Variants in BLTP3A observed in about 807,000 individuals in gnomAD.
BLTP3A encodes the protein ICBP90 binding protein 1.
At chr6:34,813,258 A>C in the BLTP3A span, among the ~76,000 whole-genome samples, 1 of 152,178 alleles carries the variant, frequency 6.6e-6, no homozygotes, top group African/African-American at 2.4e-5. Context: ...CAGCTTTACC[A>C]CTGGCAAGCT....
At chr6:34,834,902 A>G in the BLTP3A span, 1 of 1,597,596 alleles carries the variant, frequency 6.3e-7, no homozygotes, top group Non-Finnish European at 8.5e-7. Context: ...TCCATCTCTT[A>G]TTCTATGAGA....
the BLTP3A span, among the ~76,000 whole-genome samples, chr6:34,848,068 C>T: frequency 6.7e-6 from 1 of 150,350 alleles, no homozygotes. Context: ...TACAGGCATG[C>T]ACTACCATGC....
the BLTP3A span, chr6:34,858,875 G>A: frequency 1.4e-5 from 22 of 1,613,988 alleles, no homozygotes; most frequent in East Asian, 4.5e-5. Flanking sequence ...GCTCTGCTTC[G>A]CCTGAAGGAG....
the BLTP3A span, chr6:34,857,395 A>G: frequency 1.2e-6 from 2 of 1,614,208 alleles, no homozygotes; most frequent in Non-Finnish European, 1.7e-6. Flanking sequence ...GAAACTTCAC[A>G]ACCTCCCTAC....
chr6:34,849,437 A>G, the BLTP3A span, among the ~76,000 whole-genome samples: 3 of 152,178 alleles, frequency 2.0e-5, no homozygotes, highest in African/African-American at 7.2e-5. Flanking sequence ...ACTAACAAAC[A>G]AGCAAAGAGG....
the BLTP3A span, among the ~76,000 whole-genome samples, chr6:34,809,399 A>G: frequency 6.6e-6 from 1 of 152,294 alleles, no homozygotes; most frequent in South Asian, 2.1e-4. Context: ...TCTCAAAAAC[A>G]AAAACTTCAG....
chr6:34,871,330 T>C, the BLTP3A span, among the ~76,000 whole-genome samples: 1 of 152,218 alleles, frequency 6.6e-6, no homozygotes, highest in Non-Finnish European at 1.5e-5. Flanking sequence ...AAGCCAGGGT[T>C]CAGGTGAGGA....
chr6:34,803,027 T>G, the BLTP3A span, among the ~76,000 whole-genome samples: 5 of 151,684 alleles, frequency 3.3e-5, no homozygotes, highest in African/African-American at 1.2e-4. Context: ...ATACAAAAAT[T>G]AGCTGGGTGT....
the BLTP3A span, among the ~76,000 whole-genome samples, chr6:34,870,590 C>T: frequency 1.3e-5 from 2 of 152,148 alleles, no homozygotes; most frequent in South Asian, 4.1e-4. Context: ...AAGGCCAATC[C>T]TTAATCTCTC....
chr6:34,855,595 C>T, the BLTP3A span: 2 of 1,611,806 alleles, frequency 1.2e-6, no homozygotes, highest in Non-Finnish European at 1.7e-6. Flanking sequence ...CACTGCCATT[C>T]ACCTGTATTT....
the BLTP3A span, among the ~76,000 whole-genome samples, chr6:34,831,279 C>T: frequency 6.6e-6 from 1 of 152,058 alleles, no homozygotes; most frequent in Non-Finnish European, 1.5e-5. Context: ...AGGCGCCTGC[C>T]ACCACGCCCA....
At chr6:34,819,952 A>G in the BLTP3A span, among the ~76,000 whole-genome samples, 1 of 152,224 alleles carries the variant, frequency 6.6e-6, no homozygotes. Flanking sequence ...TTTCCTTCAA[A>G]TTAGCAACTG....
chr6:34,856,879 T>G, the BLTP3A span: 2 of 1,614,058 alleles, frequency 1.2e-6, no homozygotes, highest in East Asian at 2.2e-5. Context: ...ATGGAACCGC[T>G]TACGCTCTAG....
chr6:34,825,954 G>T, the BLTP3A span, among the ~76,000 whole-genome samples: 1 of 151,298 alleles, frequency 6.6e-6, no homozygotes, highest in Non-Finnish European at 1.5e-5. Flanking sequence ...TTTAGGGGAG[G>T]ATTTAACTTT....
At chr6:34,811,012 C>A in the BLTP3A span, among the ~76,000 whole-genome samples, 4 of 152,142 alleles carry the variant, frequency 2.6e-5, no homozygotes, top group African/African-American at 4.8e-5. Context: ...GGTTTGTCTG[C>A]AAGTTTTTTC....
At chr6:34,796,928 C>T in the BLTP3A span, among the ~76,000 whole-genome samples, 1 of 152,208 alleles carries the variant, frequency 6.6e-6, no homozygotes, top group Non-Finnish European at 1.5e-5. Context: ...TCGTCTTGAT[C>T]TCTTGACCTG....
the BLTP3A span, among the ~76,000 whole-genome samples, chr6:34,793,555 G>GA: frequency 6.6e-6 from 1 of 152,156 alleles, no homozygotes; most frequent in Non-Finnish European, 1.5e-5. Flanking sequence ...TTAGTAATTA[G>GA]ACCCAGATCC....
the BLTP3A span, chr6:34,859,713 T>G: frequency 1.6e-6 from 2 of 1,274,682 alleles, no homozygotes; most frequent in Admixed American, 2.3e-5. Context: ...GCCTATTTAA[T>G]GGGCAGTTTT....
the BLTP3A span, among the ~76,000 whole-genome samples, chr6:34,869,799 C>T: frequency 2.0e-5 from 3 of 151,630 alleles, no homozygotes; most frequent in Non-Finnish European, 4.4e-5. Context: ...CTACAGGTGC[C>T]TGCCACCACG....
Sources: allele counts gnomAD v4.1 joint callset (sites outside exome capture counted in the v4.1 genomes callset), GRCh38; gene constraint gnomAD v4.1.1; transcripts MANE v1.5; gene names NCBI Gene and HGNC (gene_info 2026-07-23, HGNC 2026-07-21).